HMCN1: variants seen among roughly 807,000 people sequenced by gnomAD.
HMCN1 encodes hemicentin-1.
In HMCN1, 321 loss-of-function variants were observed where a neutral mutation model predicts 625.9. The observed-to-expected ratio is 0.51, with a 90% CI of 0.47 to 0.56. The LOEUF (loss-of-function observed/expected upper bound fraction) is 0.56, where lower values mean the gene tolerates loss of function less well. HMCN1 is among the 20% of genes least tolerant of loss of function. The pLI is 0.00. For synonymous variants in HMCN1, 2,425 were observed against 2,417.6 expected (o/e 1.00, Z -0.09); for missense variants, 6,588 against 6,887.3 (o/e 0.96, Z 1.54).
At chr1:185,954,800 A>G (rs1649505812) in intron 11 of HMCN1, among the ~76,000 whole-genome samples, 1 of 152,008 alleles carries the variant, frequency 6.6e-6, no homozygotes, top group African/African-American at 2.4e-5. Flanking sequence ...TCCCCAGACC[A>G]CACCTAACAA....
In HMCN1 at chr1:186,119,238, A is replaced by G; in HGVS notation, c.11896A>G (p.Thr3966Ala). 5.6e-6 allele frequency: 9 copies of G among 1,613,978 alleles called. No homozygotes were observed. The highest frequency in any genetic ancestry group is 7.6e-6 in the Non-Finnish European group (9 of 1,179,896). The change falls in exon 78 of 107, where the codon ACT becomes GCT. Residue 3966 changes from threonine (T) to alanine (A), a missense_variant. This residue lies in a region of HMCN1 where 4,628 missense variants were observed against 4,853.1 expected (regional missense o/e 0.95). Transcript: ENST00000271588. ...CCAATTAAACCATGCTGGAAGATAC[A>G]CTTGTGTCGCTAGGAATGCGGCTGG... The part of the protein sequence containing the change: ...ATQLNHAGRY[T>A]CVARNAAGSA...
rs1234271195 is a variant in HMCN1 at position 186,063,492 on chromosome 1, AGG to A, written c.7513+893_7513+894del. On this transcript the variant is annotated intron_variant, in intron 48 of 106. Transcript: ENST00000271588. ...AAGGAAGGAAGGAAGGAAGGAAGGAAGGAAGGAAGGAAGGAAGGAAGGGAGTC... is the reference window on the plus strand; with the variant it reads ...AAGGAAGGAAGGAAGGAAGGAAGGAAAAGGAAGGAAGGAAGGAAGGGAGTC... Among the ~76,000 whole-genome samples the A allele has an allele frequency of 1.5e-4, 22 of 145,460 alleles. No individual in the cohort carries two copies. The East Asian group carries it at 3.3e-3, about 22-fold the overall frequency.
At chr1:186,111,033 T>A (rs1263880748) in intron 71 of HMCN1, among the ~76,000 whole-genome samples, 3 of 137,976 alleles carry the variant, frequency 2.2e-5, no homozygotes, top group Non-Finnish European at 4.5e-5. Context: ...CAGGTTGGCA[T>A]GCAGTGGCGC....
At chr1:186,147,459 A>T (rs1051310181) in intron 93 of HMCN1, among the ~76,000 whole-genome samples, 1 of 150,526 alleles carries the variant, frequency 6.6e-6, no homozygotes, top group African/African-American at 2.5e-5. Context: ...AGTACAGACC[A>T]TGAAGGCTGA....
Position 186,078,161 on chromosome 1 carries a change from CAT to C in HMCN1, c.8541_8542del (p.Val2849GlyfsTer4). 2 of 1,613,814 alleles carry C rather than the reference CAT, an allele frequency of 1.2e-6. No individual in the cohort carries two copies. Among genetic ancestry groups the C allele is most frequent in the South Asian group, 1.1e-5 (1 of 91,066 alleles). On this transcript the variant is annotated frameshift_variant, in exon 55 of 107. Transcript: ENST00000271588. LOFTEE classifies it high-confidence loss of function. ...AAAGTAGAAGATGCTGGGAGATACA[CAT>C]GTGTGGCTGTGAATGAGGCTGGAGA...
intron 40 of HMCN1, among the ~76,000 whole-genome samples, chr1:186,042,856 G>C (rs1656297067): frequency 3.3e-5 from 5 of 152,108 alleles, no homozygotes; most frequent in South Asian, 2.1e-4. Flanking sequence ...TTAATTCCCA[G>C]AGATAAATCA....
intron 36 of HMCN1, among the ~76,000 whole-genome samples, chr1:186,024,388 G>C (rs956522951): frequency 2.6e-5 from 4 of 151,976 alleles, no homozygotes; most frequent in African/African-American, 9.7e-5. Flanking sequence ...GAGTATGCTG[G>C]GGGGGATTCT....
intron 40 of HMCN1, among the ~76,000 whole-genome samples, chr1:186,042,103 A>T (rs6659819): frequency 4.6e-5 from 7 of 151,868 alleles, no homozygotes; most frequent in East Asian, 1.9e-4. Context: ...TGAAAGTAAA[A>T]GTTTTAGTTG....
chr1:186,043,424 T>C (rs575637149), intron 40 of HMCN1, among the ~76,000 whole-genome samples: 7 of 152,270 alleles, frequency 4.6e-5, no homozygotes, highest in Admixed American at 2.0e-4. Context: ...AAATACTCCA[T>C]TGTTTTTGCA....
Position 186,166,195 on chromosome 1 carries a change from T to C in HMCN1, c.15331T>C (p.Cys5111Arg). The C allele has an allele frequency of 1.2e-6, 2 of 1,614,130 alleles. No homozygotes were observed. Among genetic ancestry groups the C allele is most frequent in the Non-Finnish European group, 1.7e-6 (2 of 1,180,006 alleles). ...VGPFCADEDE[C>R]AAGNPCSHSC... is the part of the protein sequence containing the mutation. ...GTTTCTTCTTTAAGATGAGGATGAA[T>C]GTGCAGCAGGGAATCCCTGCTCCCA... The change falls in exon 99 of 107, where the codon TGT becomes CGT. Residue 5111 changes from cysteine to arginine, a missense_variant. Cys to Arg is a radical substitution (Grantham distance 180). Around this residue, in one of 3 missense-constraint regions of HMCN1, gnomAD observed 1,954 missense variants for 2,013.1 expected, o/e 0.97. Transcript: ENST00000271588.
chr1:185,852,294 T>C (rs894059142), intron 2 of HMCN1, among the ~76,000 whole-genome samples: 19 of 151,962 alleles, frequency 1.3e-4, no homozygotes, highest in Non-Finnish European at 2.5e-4. Flanking sequence ...AAAAATGCTA[T>C]TGTATAAAAC....
intron 54 of HMCN1, among the ~76,000 whole-genome samples, chr1:186,077,484 G>A (rs1233981595): frequency 6.6e-6 from 1 of 152,060 alleles, no homozygotes; most frequent in Non-Finnish European, 1.5e-5. Flanking sequence ...AGGGGTGAAA[G>A]GGCACCATGT....
rs201310279 is a variant in HMCN1 at position 186,089,016 on chromosome 1, T to G, written c.9727+261T>G. The stretch of plus-strand genomic sequence containing the variant: ...CCATTTCCACTTCCATTATTATCTT[T>G]CTATAGTATATATCTATGGAGTTAT... On this transcript the variant is annotated intron_variant, in intron 63 of 106. Coordinates refer to ENST00000271588, the MANE Select transcript of HMCN1 (RefSeq NM_031935.3). Among the ~76,000 whole-genome samples the G allele has an allele frequency of 1.6e-4, 24 of 152,142 alleles. 1 individual carries two copies. The East Asian group carries it at 2.5e-3, about 16-fold the overall frequency.
intron 4 of HMCN1, among the ~76,000 whole-genome samples, chr1:185,908,992 G>A (rs982995164): frequency 6.6e-6 from 1 of 151,894 alleles, no homozygotes; most frequent in Non-Finnish European, 1.5e-5. Context: ...GCACATGTTA[G>A]CACTATTATG....
chr1:186,108,561 T>C lies in HMCN1; in HGVS notation c.10953T>C (p.Pro3651=), dbSNP rs933458935. The C allele has an allele frequency of 3.5e-5, 56 of 1,614,016 alleles. No homozygotes were observed. Among genetic ancestry groups the C allele is most frequent in the Non-Finnish European group, 4.5e-5 (53 of 1,180,000 alleles). Residue 3651 remains proline (P), a synonymous_variant, in exon 71 of 107, where the codon CCT becomes CCC. Transcript: ENST00000271588. The stretch of plus-strand genomic sequence containing the variant: ...GCAAGTCAGATGCAGTGCCCCCACC[T>C]GTAATTACTTGGCTCAGAAATGGAG... ...LECKSDAVPP[P]VITWLRNGER...
At chr1:185,844,846 G>A (rs1180323911) in intron 1 of HMCN1, among the ~76,000 whole-genome samples, 1 of 152,176 alleles carries the variant, frequency 6.6e-6, no homozygotes, top group East Asian at 1.9e-4. Context: ...TTAAAGAGAA[G>A]AAGCTCTGGG....
intron 1 of HMCN1, among the ~76,000 whole-genome samples, chr1:185,843,331 G>C (rs1234404280): frequency 6.6e-6 from 1 of 152,178 alleles, no homozygotes; most frequent in Non-Finnish European, 1.5e-5. Flanking sequence ...GCAGGAGAAA[G>C]AAAAGGGGGA....
At position 186,038,979 on chromosome 1, in the gene HMCN1, A is replaced by G. The variant is rs1337031001; in HGVS notation, c.6002A>G (p.Glu2001Gly). ...CVAINSAGAT[E>G]LFYSLQVHVA... is the part of the protein sequence containing the mutation. ...GCCATCAACTCAGCTGGAGCTACAG[A>G]GTTATTTTACAGTCTGCAAGTTCAT... The change falls in exon 38 of 107, where the codon GAG becomes GGG. Residue 2001 changes from glutamate to glycine, a missense_variant. Around this residue, in one of 3 missense-constraint regions of HMCN1, gnomAD observed 4,628 missense variants for 4,853.1 expected, o/e 0.95. Transcript: ENST00000271588. 1.2e-6 allele frequency: 2 copies of G among 1,612,734 alleles called. No individual in the cohort carries two copies. The highest frequency in any genetic ancestry group is 1.3e-5 in the African/African-American group (1 of 74,870).
chr1:185,864,746 G>A, intron 3 of HMCN1, 118 bp downstream of exon 3: 2 of 903,042 alleles, frequency 2.2e-6, no homozygotes, highest in Non-Finnish European at 3.6e-6. Flanking sequence ...CTATCCACAT[G>A]TATGTTCTCC....
Sources: gnomAD v4.1 joint callset for allele counts (sites outside exome capture counted in the v4.1 genomes callset) on GRCh38, gnomAD v4.1.1 for gene constraint, gnomAD v4.1.1 regional missense constraint, MANE v1.5 for transcripts, NCBI Gene and HGNC (gene_info 2026-07-23, HGNC 2026-07-21) for gene names.